CDKAL1: variants seen among roughly 807,000 people sequenced by gnomAD.
The protein encoded by CDKAL1 is threonylcarbamoyladenosine tRNA methylthiotransferase.
In CDKAL1, 32 loss-of-function variants were observed where a neutral mutation model predicts 68.2. That is an observed-to-expected ratio of 0.47 (90% CI 0.35 to 0.63). The LOEUF (loss-of-function observed/expected upper bound fraction) is 0.63. CDKAL1 is among the 30% of genes least tolerant of loss of function. The pLI is 0.00. For synonymous variants in CDKAL1, 234 were observed against 244.3 expected (o/e 0.96, Z 0.39); for missense variants, 606 against 696.7 (o/e 0.87, Z 1.47).
intron 4 of CDKAL1, among the ~76,000 whole-genome samples, chr6:20,574,239 G>T (rs984570052): frequency 6.6e-6 from 1 of 152,140 alleles, no homozygotes; most frequent in African/African-American, 2.4e-5. Context: ...CTATAAAATA[G>T]ATGATATAAT....
At chr6:20,972,725 C>T (rs532589670) in intron 10 of CDKAL1, among the ~76,000 whole-genome samples, 1 of 152,058 alleles carries the variant, frequency 6.6e-6, no homozygotes, top group Non-Finnish European at 1.5e-5. Context: ...GGAAAGCATG[C>T]TTGATTTTAG....
At chr6:20,829,690 T>A (rs910986460) in intron 8 of CDKAL1, among the ~76,000 whole-genome samples, 1 of 152,186 alleles carries the variant, frequency 6.6e-6, no homozygotes, top group African/African-American at 2.4e-5. Flanking sequence ...ATGTTTTATT[T>A]TAGGTCCTTC....
chr6:20,729,520 A>G (rs1772809362), intron 5 of CDKAL1, among the ~76,000 whole-genome samples: 1 of 152,238 alleles, frequency 6.6e-6, no homozygotes, highest in African/African-American at 2.4e-5. Flanking sequence ...TATTGTGGAC[A>G]CATTTCCTTG....
intron 4 of CDKAL1, among the ~76,000 whole-genome samples, chr6:20,622,323 A>G (rs902861705): frequency 2.0e-5 from 3 of 152,112 alleles, no homozygotes; most frequent in Non-Finnish European, 2.9e-5. Flanking sequence ...CATGGTTACT[A>G]TATTTTCTAA....
At chr6:21,206,639 AAAG>A (rs1473194121) in intron 15 of CDKAL1, among the ~76,000 whole-genome samples, 1 of 152,192 alleles carries the variant, frequency 6.6e-6, no homozygotes, top group Non-Finnish European at 1.5e-5. Flanking sequence ...TGCTTTAAAG[AAAG>A]AAGTAGAGTA....
At chr6:21,056,609 A>G (rs1240668796) in intron 11 of CDKAL1, among the ~76,000 whole-genome samples, 2 of 152,194 alleles carry the variant, frequency 1.3e-5, no homozygotes. Context: ...GCCCGTTTTC[A>G]AGGGGAATGC....
chr6:20,990,294 T>C (rs1341303621), intron 10 of CDKAL1, among the ~76,000 whole-genome samples: 1 of 152,108 alleles, frequency 6.6e-6, no homozygotes, highest in African/African-American at 2.4e-5. Flanking sequence ...TAGTTGAAAA[T>C]AAATGTGTTT....
chr6:20,904,189 C>T (rs2150605769), intron 9 of CDKAL1, among the ~76,000 whole-genome samples: 1 of 152,258 alleles, frequency 6.6e-6, no homozygotes, highest in East Asian at 1.9e-4. Context: ...GCCCTCCCTG[C>T]ATTGTTGCAA....
At chr6:20,638,615 C>T (rs943227790) in intron 4 of CDKAL1, among the ~76,000 whole-genome samples, 1 of 129,994 alleles carries the variant, frequency 7.7e-6, no homozygotes, top group Admixed American at 7.6e-5. Flanking sequence ...ATTAGAGATT[C>T]TTTTTTTTTT....
intron 4 of CDKAL1, among the ~76,000 whole-genome samples, chr6:20,605,119 T>G (rs532335625): frequency 2.1e-4 from 32 of 152,324 alleles, no homozygotes; most frequent in African/African-American, 7.5e-4. Flanking sequence ...ATTGGGGATT[T>G]GATACACTGC....
At chr6:21,073,429 C>T (rs1771902036) in intron 12 of CDKAL1, among the ~76,000 whole-genome samples, 2 of 152,176 alleles carry the variant, frequency 1.3e-5, no homozygotes, top group South Asian at 2.1e-4. Flanking sequence ...TCCAAAGCCA[C>T]TCTGCCATTT....
intron 9 of CDKAL1, among the ~76,000 whole-genome samples, chr6:20,869,775 A>G (rs1760103581): frequency 6.6e-6 from 1 of 152,214 alleles, no homozygotes. Flanking sequence ...TATGAATATT[A>G]ATATCATGAA....
At chr6:20,984,818 G>GC (rs879834990) in intron 10 of CDKAL1, among the ~76,000 whole-genome samples, 5 of 148,990 alleles carry the variant, frequency 3.4e-5, no homozygotes, top group Admixed American at 2.7e-4. Context: ...TAACGGGGGG[G>GC]GGTGGGGAAG....
chr6:21,173,116 TCC>T (rs141467574), intron 13 of CDKAL1, among the ~76,000 whole-genome samples: 20,678 of 151,326 alleles, frequency 0.14, 1,693 homozygotes, highest in Non-Finnish European at 0.18. Flanking sequence ...CTCCTTCACC[TCC>T]CCACAACACC....
intron 4 of CDKAL1, among the ~76,000 whole-genome samples, chr6:20,626,034 C>T (rs1338692981): frequency 6.6e-6 from 1 of 152,104 alleles, no homozygotes; most frequent in Non-Finnish European, 1.5e-5. Flanking sequence ...TGGAGGGTCC[C>T]ACGGATGTGA....
chr6:21,199,591 G>A (rs1284364587), intron 14 of CDKAL1, among the ~76,000 whole-genome samples: 1 of 152,072 alleles, frequency 6.6e-6, no homozygotes, highest in Non-Finnish European at 1.5e-5. Flanking sequence ...GGCATGCCTC[G>A]TTAGCTGCTT....
chr6:21,115,708 G>A (rs1404345656), intron 13 of CDKAL1, among the ~76,000 whole-genome samples: 1 of 152,130 alleles, frequency 6.6e-6, no homozygotes, highest in Non-Finnish European at 1.5e-5. Flanking sequence ...GTCCTTATAC[G>A]AAAACCATGC....
chr6:21,087,121 G>A (rs77848680), intron 12 of CDKAL1, among the ~76,000 whole-genome samples: 1,576 of 152,226 alleles, frequency 0.01, 15 homozygotes, highest in Non-Finnish European at 0.017. Flanking sequence ...TGCATAAACT[G>A]CCTGAAATTG....
At chr6:21,021,109 T>C (rs534018275) in intron 11 of CDKAL1, among the ~76,000 whole-genome samples, 7 of 152,176 alleles carry the variant, frequency 4.6e-5, no homozygotes, top group Non-Finnish European at 8.8e-5. Flanking sequence ...AGTCCAGTAA[T>C]TGAGAGCACA....
Sources: gnomAD v4.1 joint callset for allele counts (sites outside exome capture counted in the v4.1 genomes callset) on GRCh38, gnomAD v4.1.1 for gene constraint, MANE v1.5 for transcripts, NCBI Gene and HGNC (gene_info 2026-07-23, HGNC 2026-07-21) for gene names.